FHIP1A: variants seen among roughly 807,000 people sequenced by gnomAD.
FHIP1A encodes the protein FHF complex subunit HOOK interacting protein 1A, also known as FHF complex subunit HOOK-interacting protein 1A.
A neutral mutation model predicts 88.6 loss-of-function variants in FHIP1A; 61 were observed. The ratio of observed to expected loss-of-function variants is 0.69; its 90% CI spans 0.56 to 0.85. The LOEUF is 0.85. Among genes scored for constraint, FHIP1A ranks in the 40% least tolerant of loss-of-function variants. FHIP1A has a pLI of 0.00. For synonymous variants in FHIP1A, 478 were observed against 496.0 expected (o/e 0.96, Z 0.48); for missense variants, 1,154 against 1,273.5 (o/e 0.91, Z 1.43).
intron 3 of FHIP1A, among the ~76,000 whole-genome samples, chr4:151,505,471 A>G (rs1194654725): frequency 6.6e-6 from 1 of 152,224 alleles, no homozygotes; most frequent in Non-Finnish European, 1.5e-5. Flanking sequence ...GACCCCTTCC[A>G]TGCAAAGGTG....
intron 7 of FHIP1A, among the ~76,000 whole-genome samples, chr4:151,623,157 G>T (rs1055140462): frequency 9.9e-5 from 15 of 152,188 alleles, no homozygotes; most frequent in Non-Finnish European, 1.9e-4. Flanking sequence ...GGCAATGACA[G>T]CTTTATTCTT....
intron 5 of FHIP1A, among the ~76,000 whole-genome samples, chr4:151,581,548 A>G (rs182546826): frequency 5.3e-5 from 8 of 152,320 alleles, no homozygotes; most frequent in African/African-American, 1.4e-4. Flanking sequence ...ACAGATCATT[A>G]AAGTTGGAGG....
At chr4:151,521,675 T>TTGTATGTATGTATGTA (rs35842414) in intron 3 of FHIP1A, among the ~76,000 whole-genome samples, 1 of 150,328 alleles carries the variant, frequency 6.7e-6, no homozygotes, top group Non-Finnish European at 1.5e-5. Context: ...GTATGTCAGT[T>TTGTATGTATGTATGTA]TGTATGTATG....
In FHIP1A at chr4:151,623,824, C is replaced by T. The variant is rs144686069; in HGVS notation, c.979-5878C>T. ...AAACCACTCTCTATTATCTTCCTCT[C>T]GCTGTTTTCCTCAAAACCTCATTTT... On this transcript the variant is annotated intron_variant, in intron 7 of 13. Coordinates refer to ENST00000435205, the MANE Select transcript of FHIP1A (RefSeq NM_001109977.3). Among the ~76,000 whole-genome samples the T allele has an allele frequency of 5.3e-5, 8 of 152,306 alleles. No individual in the cohort carries two copies. The East Asian group carries it at 1.3e-3, about 26-fold the overall frequency.
At chr4:151,602,995 A>T (rs908542691) in intron 7 of FHIP1A, among the ~76,000 whole-genome samples, 2 of 152,168 alleles carry the variant, frequency 1.3e-5, no homozygotes, top group Non-Finnish European at 2.9e-5. Context: ...AGGCTAATAA[A>T]TGCACTTAGC....
At chr4:151,572,566 G>A (rs1421064684) in intron 4 of FHIP1A, among the ~76,000 whole-genome samples, 1 of 152,192 alleles carries the variant, frequency 6.6e-6, no homozygotes, top group Non-Finnish European at 1.5e-5. Context: ...TAATGAACAA[G>A]GACTGTATGG....
In FHIP1A at chr4:151,434,386, A is replaced by T. The variant is rs181413768; in HGVS notation, c.-355-20315A>T. On this transcript the variant is annotated intron_variant, in intron 1 of 13. Transcript: ENST00000435205. ...TGTTATAGATCAGTATATAAATATA[A>T]GGACTCAGCATATTCTAAATTTACA... 1.5e-3 allele frequency among the ~76,000 whole-genome samples: 236 copies of T among 152,350 alleles called. 1 individual carries two copies. The highest frequency in any genetic ancestry group is 2.8e-3 in the Admixed American group (43 of 15,298).
intron 3 of FHIP1A, among the ~76,000 whole-genome samples, chr4:151,527,894 G>C (rs1731738426): frequency 7.5e-6 from 1 of 133,136 alleles, no homozygotes; most frequent in Non-Finnish European, 1.7e-5. Context: ...GAAGTTGGTT[G>C]TGATTCACTG....
In FHIP1A at chr4:151,590,709, C is replaced by T. The variant is rs1277867837; in HGVS notation, c.978+1783C>T. ...CCAACAGAGTGCTGGCACTTAGTAC[C>T]TTCCCAGACAGTGGTTTGTAAGAGA... is the stretch of plus-strand genomic sequence containing the variant. On this transcript the variant is annotated intron_variant, in intron 7 of 13. Coordinates refer to ENST00000435205, the MANE Select transcript of FHIP1A (RefSeq NM_001109977.3). 1.7e-4 allele frequency among the ~76,000 whole-genome samples: 26 copies of T among 152,200 alleles called. 1 individual carries two copies. Among genetic ancestry groups the T allele is most frequent in the Admixed American group, 1.7e-3 (26 of 15,284 alleles).
chr4:151,572,669 A>C (rs1367550380), intron 4 of FHIP1A, among the ~76,000 whole-genome samples: 1 of 152,216 alleles, frequency 6.6e-6, no homozygotes, highest in Non-Finnish European at 1.5e-5. Context: ...ATTGCATAGT[A>C]ACTTGTTTTT....
chr4:151,594,288 G>C (rs778244190), intron 7 of FHIP1A, among the ~76,000 whole-genome samples: 28 of 152,204 alleles, frequency 1.8e-4, no homozygotes, highest in Admixed American at 4.6e-4. Context: ...CTCTTTTTCT[G>C]TTGTTTGGAA....
rs774737019 is a variant in FHIP1A, at chr4:151,638,660, T to TGTC, written c.1147-16_1147-14dup. ...GTTCCAACATCTGAACTAGAATGTG[T>TGTC]GTCTCTTGCTTCCCAGCTTTGTGTG... On this transcript the variant is annotated splice_polypyrimidine_tract_variant and intron_variant, in intron 8 of 13. Transcript: ENST00000435205. 21 of 1,498,692 alleles carry TGTC rather than the reference T, an allele frequency of 1.4e-5. No individual in the cohort carries two copies. The highest frequency in any genetic ancestry group is 2.0e-5 in the Admixed American group (1 of 50,160). 92.8% of individuals were successfully genotyped at this position (1,498,692 alleles called of 1,614,324 possible). A position where few individuals can be genotyped will look rare whatever the true frequency, so the allele number is the denominator to read the frequency against.
intron 1 of FHIP1A, among the ~76,000 whole-genome samples, chr4:151,439,187 A>G (rs1474134237): frequency 6.6e-6 from 1 of 152,132 alleles, no homozygotes; most frequent in Non-Finnish European, 1.5e-5. Flanking sequence ...TTAACAATAA[A>G]GATTGTGCTA....
intron 7 of FHIP1A, among the ~76,000 whole-genome samples, chr4:151,612,608 C>T (rs1001172043): frequency 3.9e-5 from 6 of 152,198 alleles, no homozygotes; most frequent in African/African-American, 1.4e-4. Context: ...TCTCAAACTC[C>T]TCACCTCAAA....
At chr4:151,574,677 A>G (rs900605896) in intron 4 of FHIP1A, among the ~76,000 whole-genome samples, 12 of 152,080 alleles carry the variant, frequency 7.9e-5, no homozygotes, top group Non-Finnish European at 1.8e-4. Context: ...GTTTTTATTT[A>G]AATTATGAAA....
At chr4:151,541,391 G>A (rs1001276474) in intron 3 of FHIP1A, among the ~76,000 whole-genome samples, 2 of 152,176 alleles carry the variant, frequency 1.3e-5, no homozygotes, top group African/African-American at 4.8e-5. Flanking sequence ...TTTAGCCACT[G>A]CATATACATT....
chr4:151,560,373 G>A (rs1339131896), intron 3 of FHIP1A, among the ~76,000 whole-genome samples: 1 of 152,004 alleles, frequency 6.6e-6, no homozygotes, highest in Non-Finnish European at 1.5e-5. Context: ...CTTGCCAAAG[G>A]TACCTACTCT....
intron 3 of FHIP1A, among the ~76,000 whole-genome samples, chr4:151,535,641 A>G (rs936751694): frequency 1.3e-5 from 2 of 152,248 alleles, no homozygotes; most frequent in African/African-American, 2.4e-5. Flanking sequence ...TTTACTTACT[A>G]ACAATCATTC....
At chr4:151,567,002 C>T (rs1392695310) in intron 4 of FHIP1A, among the ~76,000 whole-genome samples, 3 of 152,020 alleles carry the variant, frequency 2.0e-5, no homozygotes, top group Non-Finnish European at 4.4e-5. Flanking sequence ...CTGGTGGTCC[C>T]TGTGTAATTT....
Sources: gnomAD v4.1 joint callset for allele counts (sites outside exome capture counted in the v4.1 genomes callset) on GRCh38, gnomAD v4.1.1 for gene constraint, MANE v1.5 for transcripts, NCBI Gene and HGNC (gene_info 2026-07-23, HGNC 2026-07-21) for gene names.